PAG1: variants seen among roughly 807,000 people sequenced by gnomAD.
PAG1 encodes phosphoprotein membrane anchor with glycosphingolipid microdomains 1, also known as phosphoprotein associated with glycosphingolipid-enriched microdomains 1.
In PAG1, 23 loss-of-function variants were observed where a neutral mutation model predicts 31.7. The observed-to-expected ratio is 0.73, with a 90% CI of 0.52 to 1.03. The LOEUF (loss-of-function observed/expected upper bound fraction) is 1.03, where lower values mean the gene tolerates loss of function less well. PAG1 is among the 50% of genes least tolerant of loss of function. The pLI is 0.00. For missense variants in PAG1, 473 were observed against 540.7 expected (o/e 0.87, Z 1.24); for synonymous variants, 214 against 210.3 (o/e 1.02, Z -0.15).
rs2623027 is a variant in PAG1 at position 81,037,870 on chromosome 8, C to T, written c.-174-7781G>A. Among the ~76,000 whole-genome samples, 753 of 152,276 alleles carry T rather than the reference C, an allele frequency of 4.9e-3. 5 individuals carry two copies. Among genetic ancestry groups the T allele is most frequent in the Middle Eastern group, 0.027 (8 of 292 alleles). ...AAGTAAATATTATTCCAGTCCTTTC[C>T]ACTCTGCACATTTAGGAACTTTCTT... On this transcript the variant is annotated intron_variant, in intron 2 of 8. Coordinates refer to ENST00000220597, the MANE Select transcript of PAG1 (RefSeq NM_018440.4).
chr8:80,992,284 G>A (rs1197116471), intron 4 of PAG1, among the ~76,000 whole-genome samples: 2 of 152,234 alleles, frequency 1.3e-5, no homozygotes, highest in Non-Finnish European at 2.9e-5. Flanking sequence ...GGGTTCAGAG[G>A]GTCTTGGCTT....
chr8:81,007,831 G>A (rs868184782), intron 3 of PAG1, among the ~76,000 whole-genome samples: 6 of 152,120 alleles, frequency 3.9e-5, no homozygotes, highest in Non-Finnish European at 5.9e-5. Flanking sequence ...CTAAATAGCC[G>A]TGGCAGTGGC....
chr8:81,040,576 C>CA (rs146157255), intron 2 of PAG1, among the ~76,000 whole-genome samples: 2,936 of 152,294 alleles, frequency 0.019, 75 homozygotes, highest in African/African-American at 0.066. Flanking sequence ...GATATAGCTA[C>CA]ATATGTATAA....
chr8:81,063,315 T>C (rs2130933326), intron 2 of PAG1, among the ~76,000 whole-genome samples: 1 of 151,250 alleles, frequency 6.6e-6, no homozygotes. Context: ...AAGAAGTATC[T>C]TTTTTCATGA....
At chr8:81,034,123 T>C (rs1216993588) in intron 2 of PAG1, among the ~76,000 whole-genome samples, 2 of 152,182 alleles carry the variant, frequency 1.3e-5, no homozygotes, top group African/African-American at 4.8e-5. Context: ...TAAAAGAAAC[T>C]TAAAGGTCAT....
At chr8:81,039,446 A>T (rs942710224) in intron 2 of PAG1, 1 of 152,384 alleles carries the variant, frequency 6.6e-6, no homozygotes, top group Admixed American at 6.5e-5. Context: ...AGGAACTGCA[A>T]GCAACTAAGA....
At chr8:81,077,136 G>T (rs1419359504) in intron 1 of PAG1, among the ~76,000 whole-genome samples, 1 of 152,184 alleles carries the variant, frequency 6.6e-6, no homozygotes, top group African/African-American at 2.4e-5. Flanking sequence ...CACCCCCCAG[G>T]AGCTCGTTAG....
chr8:81,109,481 T>C (rs1195377650), intron 1 of PAG1, among the ~76,000 whole-genome samples: 1 of 152,192 alleles, frequency 6.6e-6, no homozygotes, highest in African/African-American at 2.4e-5. Context: ...TGGTGGGGAA[T>C]TGAGCAAGAC....
chr8:80,993,411 G>C (rs377614444), intron 3 of PAG1, 104 bp from the exon 4 acceptor site: 1 of 575,328 alleles, frequency 1.7e-6, no homozygotes, highest in Non-Finnish European at 3.0e-6. Flanking sequence ...AGTCAGGGAA[G>C]CGTGTGCTGG....
chr8:81,031,334 T>C (rs1378240787), intron 2 of PAG1, among the ~76,000 whole-genome samples: 1 of 152,222 alleles, frequency 6.6e-6, no homozygotes, highest in African/African-American at 2.4e-5. Flanking sequence ...CTGCTGTCAA[T>C]CTCATCAACT....
At chr8:81,070,539 A>G (rs1487358515) in intron 1 of PAG1, among the ~76,000 whole-genome samples, 3 of 152,144 alleles carry the variant, frequency 2.0e-5, no homozygotes, top group African/African-American at 7.2e-5. Flanking sequence ...AGGAGTTATC[A>G]CCAGCACTGC....
intron 1 of PAG1, among the ~76,000 whole-genome samples, chr8:81,086,032 A>C (rs1809349283): frequency 9.2e-6 from 1 of 108,800 alleles, no homozygotes; most frequent in African/African-American, 3.7e-5. Flanking sequence ...CCCAGGCTGG[A>C]GTGCAGTGGC....
At chr8:81,024,654 A>C (rs908679318) in intron 3 of PAG1, among the ~76,000 whole-genome samples, 1 of 152,212 alleles carries the variant, frequency 6.6e-6, no homozygotes, top group Non-Finnish European at 1.5e-5. Context: ...GCCATGGGAA[A>C]AATTTGTTCA....
intron 7 of PAG1, among the ~76,000 whole-genome samples, chr8:80,982,591 C>T (rs1167668351): frequency 6.6e-6 from 1 of 152,214 alleles, no homozygotes; most frequent in Non-Finnish European, 1.5e-5. Context: ...CAGCCCTGGC[C>T]TTTCCTCTTT....
At chr8:81,101,839 G>A (rs891833314) in intron 1 of PAG1, among the ~76,000 whole-genome samples, 2 of 151,982 alleles carry the variant, frequency 1.3e-5, no homozygotes, top group Admixed American at 6.6e-5. Context: ...ACATAAAAAT[G>A]TCTGAATAAA....
At chr8:81,007,714 T>C (rs1807911838) in intron 3 of PAG1, among the ~76,000 whole-genome samples, 1 of 148,940 alleles carries the variant, frequency 6.7e-6, no homozygotes, top group Non-Finnish European at 1.5e-5. Flanking sequence ...GAGTCAGGAA[T>C]GTGAGTTCAC....
At chr8:80,977,040 G>A in intron 8 of PAG1, 134 bp from the exon 9 acceptor site, 2 of 747,880 alleles carry the variant, frequency 2.7e-6, no homozygotes, top group Non-Finnish European at 4.4e-6. Context: ...TTTCTTATCT[G>A]TACTAATTAT....
intron 1 of PAG1, among the ~76,000 whole-genome samples, chr8:81,097,865 T>C (rs182948964): frequency 1.3e-5 from 2 of 152,326 alleles, no homozygotes; most frequent in Admixed American, 6.5e-5. Context: ...GCCTTGATGA[T>C]GCTCTTGAGT....
At chr8:81,087,832 C>A (rs1809385283) in intron 1 of PAG1, among the ~76,000 whole-genome samples, 1 of 152,116 alleles carries the variant, frequency 6.6e-6, no homozygotes, top group Admixed American at 6.5e-5. Flanking sequence ...TGCGCTGGGG[C>A]CAGAGACCCA....
Sources: gnomAD v4.1 joint callset for allele counts (sites outside exome capture counted in the v4.1 genomes callset) on GRCh38, gnomAD v4.1.1 for gene constraint, MANE v1.5 for transcripts, NCBI Gene and HGNC (gene_info 2026-07-23, HGNC 2026-07-21) for gene names.